The following SLC26A4 variants were observed in gnomAD, a reference collection of about 807,000 sequenced individuals.
SLC26A4 encodes the protein solute carrier family 26 member 4, also known as pendrin.
In SLC26A4, 93 loss-of-function variants were observed where a neutral mutation model predicts 90.4. The observed-to-expected ratio is 1.03, with a 90% confidence interval of 0.87 to 1.22. The LOEUF (loss-of-function observed/expected upper bound fraction) is 1.22, where lower values mean the gene tolerates loss of function less well. Among genes scored for constraint, SLC26A4 ranks in the 50% most tolerant of loss-of-function variants. The pLI is 0.00. For synonymous variants in SLC26A4, 393 were observed against 354.6 expected (o/e 1.11, Z -1.22); for missense variants, 1,127 against 946.2 (o/e 1.19, Z -2.51).
At position 107,704,398 on chromosome 7, in the gene SLC26A4, A is replaced by G. The variant is rs746500699; in HGVS notation, c.2089+13A>G. The stretch of plus-strand genomic sequence containing the variant: ...GCATCACTTCAAGGTAAATACATAT[A>G]TCTACATATCTACCTGTAAGACTTT... On this transcript the variant is annotated intron_variant, in intron 18 of 20. Coordinates refer to ENST00000644269, the MANE Select transcript of SLC26A4 (RefSeq NM_000441.2). 6 of 1,091,670 alleles carry G rather than the reference A, an allele frequency of 5.5e-6. No homozygotes were observed. The highest frequency in any genetic ancestry group is 7.0e-6 in the Non-Finnish European group (5 of 709,482). 67.6% of individuals were successfully genotyped at this position (1,091,670 alleles called of 1,614,324 possible).
At chr7:107,684,218 C>T (rs1438114791) in intron 8 of SLC26A4, among the ~76,000 whole-genome samples, 1 of 152,178 alleles carries the variant, frequency 6.6e-6, no homozygotes, top group Non-Finnish European at 1.5e-5. Flanking sequence ...ATAATTTTCT[C>T]ATATGGGGTT....
At chr7:107,662,891 A>G (rs2129309056) in intron 2 of SLC26A4, among the ~76,000 whole-genome samples, 1 of 152,338 alleles carries the variant, frequency 6.6e-6, no homozygotes, top group African/African-American at 2.4e-5. Flanking sequence ...TTGTATTGCC[A>G]AAATATACTC....
At chr7:107,709,468 C>T (rs939234155) in intron 18 of SLC26A4, among the ~76,000 whole-genome samples, 1 of 152,136 alleles carries the variant, frequency 6.6e-6, no homozygotes, top group African/African-American at 2.4e-5. Flanking sequence ...GATGGGGTTT[C>T]ACCATATTGC....
In SLC26A4 at chr7:107,674,220, G is replaced by C. The variant is rs144972701; in HGVS notation, c.472G>C (p.Asp158His). ...VGSVVLSMAP[D>H]EHFLVSSSNG... Reference sequence around the variant, plus strand: ...ATCTGTTGTTCTGAGCATGGCCCCCGACGAACACTTTCTCGTATCCAGCAG... The same window carrying C: ...ATCTGTTGTTCTGAGCATGGCCCCCCACGAACACTTTCTCGTATCCAGCAG... The change falls in exon 5 of 21, where the codon GAC becomes CAC. Residue 158 changes from aspartate to histidine, a missense_variant. Asp to His is a moderately conservative substitution (Grantham distance 81). Transcript: ENST00000644269. 1.2e-6 allele frequency: 2 copies of C among 1,614,040 alleles called. No individual in the cohort carries two copies. The highest frequency in any genetic ancestry group is 1.7e-6 in the Non-Finnish European group (2 of 1,179,990).
chr7:107,688,512 C>T (rs1397861413), intron 8 of SLC26A4, among the ~76,000 whole-genome samples: 1 of 152,092 alleles, frequency 6.6e-6, no homozygotes, highest in African/African-American at 2.4e-5. Context: ...CACTATGGAG[C>T]GTTGTGATAA....
chr7:107,702,518 C>T (rs549500603), intron 17 of SLC26A4, among the ~76,000 whole-genome samples: 10 of 151,844 alleles, frequency 6.6e-5, no homozygotes, highest in East Asian at 3.9e-4. Flanking sequence ...GGTGAAACCC[C>T]GTCTCTACCA....
intron 8 of SLC26A4, among the ~76,000 whole-genome samples, chr7:107,686,123 G>A (rs894334966): frequency 1.3e-5 from 2 of 151,528 alleles, no homozygotes; most frequent in African/African-American, 4.9e-5. Context: ...GTGTGTGTGT[G>A]TATAAACCCA....
Position 107,701,915 on chromosome 7 carries a change from C to T in SLC26A4, c.1892C>T (p.Thr631Ile), listed in dbSNP as rs572939492. ...GATCTGGAGGAACTTGATATCCCAACCAAGGAAATAGAGATTCAAGTGGAT... is the reference window on the plus strand; with the variant it reads ...GATCTGGAGGAACTTGATATCCCAATCAAGGAAATAGAGATTCAAGTGGAT... Reference protein sequence around the residue: ...IEDLEELDIPTKEIEIQVDWN... With the variant: ...IEDLEELDIPIKEIEIQVDWN... The change falls in exon 17 of 21, where the codon ACC (threonine) becomes ATC (isoleucine). Residue 631 changes from threonine (T) to isoleucine (I), a missense_variant. By Grantham distance (89) the Thr-to-Ile change is moderately conservative. Coordinates refer to ENST00000644269, the MANE Select transcript of SLC26A4 (RefSeq NM_000441.2). 44 of 1,612,978 alleles carry T rather than the reference C, an allele frequency of 2.7e-5. No individual in the cohort carries two copies. The South Asian group carries it at 4.2e-4, about 15-fold the overall frequency.
At chr7:107,682,211 GA>G (rs1355959415) in intron 6 of SLC26A4, among the ~76,000 whole-genome samples, 1 of 151,040 alleles carries the variant, frequency 6.6e-6, no homozygotes, top group African/African-American at 2.4e-5. Flanking sequence ...TGCTTGTCAG[GA>G]GATATACCTA....
chr7:107,689,008 T>C lies in SLC26A4; in HGVS notation c.1002-45T>C, dbSNP rs752866049. On this transcript the variant is annotated intron_variant, in intron 8 of 20. Transcript: ENST00000644269. ...CATTTGATGAGATGGGGAAAAAGGATGGTGGTCAAATCTTCACAGCATTTT... is the reference window on the plus strand; with the variant it reads ...CATTTGATGAGATGGGGAAAAAGGACGGTGGTCAAATCTTCACAGCATTTT... 2.5e-6 allele frequency: 4 copies of C among 1,607,502 alleles called. No homozygotes were observed. In the African/African-American group the frequency reaches 5.3e-5, roughly 21 times the overall value.
At chr7:107,687,066 T>C (rs1791441748) in intron 8 of SLC26A4, among the ~76,000 whole-genome samples, 1 of 152,204 alleles carries the variant, frequency 6.6e-6, no homozygotes, top group South Asian at 2.1e-4. Flanking sequence ...CTGTTTGGTA[T>C]TCTGTTTATG....
chr7:107,710,213 CTT>C lies in SLC26A4; in HGVS notation c.2235+16_2235+17del. 1 of 1,547,958 alleles carries C rather than the reference CTT, an allele frequency of 6.5e-7. No individual in the cohort carries two copies. Among genetic ancestry groups the C allele is most frequent in the Non-Finnish European group, 8.9e-7 (1 of 1,120,048 alleles). On this transcript the variant is annotated intron_variant, in intron 19 of 20. Transcript: ENST00000644269. Reference sequence around the variant, plus strand: ...ATTTTAGAAACGGTAAATATTCAACCTTTCTACAGATGTATCTTTTCTAAACT... The same window carrying C: ...ATTTTAGAAACGGTAAATATTCAACCTCTACAGATGTATCTTTTCTAAACT...
intron 18 of SLC26A4, among the ~76,000 whole-genome samples, chr7:107,709,517 C>T (rs1324841707): frequency 6.6e-6 from 1 of 152,114 alleles, no homozygotes; most frequent in African/African-American, 2.4e-5. Context: ...CCCTCCTCGG[C>T]CTCTCAAAGT....
In SLC26A4 at chr7:107,674,314, C is replaced by G. The variant is rs1461741190; in HGVS notation, c.566C>G (p.Ala189Gly). Residue 189 changes from alanine to glycine, a missense_variant, in exon 5 of 21, where the codon GCC becomes GGC. Physicochemically the swap from Ala to Gly is moderately conservative, Grantham distance 60. Coordinates refer to ENST00000644269, the MANE Select transcript of SLC26A4 (RefSeq NM_000441.2). ...AGAGATACAGCTAGAGTCCTGATTGCCAGTGCCCTGACTCTGCTGGTTGGA... is the reference window on the plus strand; with the variant it reads ...AGAGATACAGCTAGAGTCCTGATTGGCAGTGCCCTGACTCTGCTGGTTGGA... ...AARDTARVLIASALTLLVGII... is the reference protein window; with the variant it reads ...AARDTARVLIGSALTLLVGII... The G allele has an allele frequency of 1.9e-5, 31 of 1,613,442 alleles. No individual in the cohort carries two copies. The highest frequency in any genetic ancestry group is 2.6e-5 in the Non-Finnish European group (31 of 1,179,580).
intron 2 of SLC26A4, among the ~76,000 whole-genome samples, chr7:107,662,844 C>A (rs1790598433): frequency 1.3e-5 from 2 of 152,106 alleles, no homozygotes; most frequent in South Asian, 4.1e-4. Flanking sequence ...GGTATACATT[C>A]CTCATGCTAA....
At chr7:107,709,408 G>A (rs527632367) in intron 18 of SLC26A4, among the ~76,000 whole-genome samples, 1 of 152,156 alleles carries the variant, frequency 6.6e-6, no homozygotes, top group Non-Finnish European at 1.5e-5. Context: ...GAGTAGCTGA[G>A]ACTATAGGTG....
At chr7:107,714,503 A>G (rs1032403732) in intron 20 of SLC26A4, among the ~76,000 whole-genome samples, 2 of 152,192 alleles carry the variant, frequency 1.3e-5, no homozygotes, top group African/African-American at 4.8e-5. Flanking sequence ...CGACCTGAGA[A>G]GTCCTTTTAG....
intron 17 of SLC26A4, among the ~76,000 whole-genome samples, chr7:107,702,495 G>A (rs1791924321): frequency 6.6e-6 from 1 of 152,178 alleles, no homozygotes; most frequent in East Asian, 1.9e-4. Flanking sequence ...TTCAAGACCA[G>A]CCTGGCCAAT....
At position 107,661,944 on chromosome 7, in the gene SLC26A4, G is replaced by C. The variant is rs1045772145; in HGVS notation, c.164+139G>C. The C allele has an allele frequency of 5.2e-6, 5 of 958,156 alleles. No homozygotes were observed. In the African/African-American group the frequency reaches 8.3e-5, roughly 16 times the overall value. 59.4% of individuals were successfully genotyped at this position (958,156 alleles called of 1,614,324 possible). A position where few individuals can be genotyped will look rare whatever the true frequency, so the allele number is the denominator to read the frequency against. ...CGCCAGCTGCTTCTCCCAGAGGCCC[G>C]ACTTTCGGTCTCCGGTCCTCCACGC... On this transcript the variant is annotated intron_variant, in intron 2 of 20. Transcript: ENST00000644269. The surrounding 1 kb of genome is among the most constrained non-coding windows in gnomAD (Gnocchi z 5.1).
Sources: allele counts gnomAD v4.1 joint callset (sites outside exome capture counted in the v4.1 genomes callset), GRCh38; gene constraint gnomAD v4.1.1; non-coding constraint Gnocchi (gnomAD v3.1); transcripts MANE v1.5; gene names NCBI Gene and HGNC (gene_info 2026-07-23, HGNC 2026-07-21).